The following RAB11FIP5 variants were observed in gnomAD, a reference collection of about 807,000 sequenced individuals.
RAB11FIP5 encodes the protein RAB11 family interacting protein 5, also known as rab11 family-interacting protein 5.
RAB11FIP5 carries 48 observed loss-of-function variants against 85.1 expected under a neutral mutation model. That is an observed-to-expected ratio of 0.56 (90% CI 0.45 to 0.72). RAB11FIP5 has a LOEUF of 0.72. Ranked by LOEUF, RAB11FIP5 falls within the 30% of genes least tolerant of loss-of-function variation. RAB11FIP5 has a pLI of 0.00. For missense variants in RAB11FIP5, 1,491 were observed against 1,687.0 expected (o/e 0.88, Z 2.04); for synonymous variants, 729 against 727.3 (o/e 1.00, Z -0.04).
In RAB11FIP5 at chr2:73,080,135, C is replaced by T; in HGVS notation, c.3097G>A (p.Ala1033Thr). 8.1e-7 allele frequency: 1 copy of T among 1,232,210 alleles called. No individual in the cohort carries two copies. Among genetic ancestry groups the T allele is most frequent in the Non-Finnish European group, 1.0e-6 (1 of 988,032 alleles). The allele number at this position is 1,232,210 out of a possible 1,614,324, so 76.3% of individuals were successfully genotyped here. Residue 1033 changes from alanine to threonine, a missense_variant, in exon 4 of 6, where the codon GCC becomes ACC. Physicochemically the swap from Ala to Thr is moderately conservative, Grantham distance 58 (BLOSUM62 0). This residue lies in a region of RAB11FIP5 where 1,211 missense variants were observed against 1,338.0 expected (regional missense o/e 0.91). Coordinates refer to ENST00000486777, the MANE Select transcript of RAB11FIP5 (RefSeq NM_001371272.1). ...EVGEGPEAPEAQGQDPVGEGL... is the reference protein window; with the variant it reads ...EVGEGPEAPETQGQDPVGEGL... Reference sequence around the variant, plus strand: ...TCTCCTACTGGATCCTGGCCCTGGGCCTCAGGAGCCTCAGGGCCTTCTCCA... The same window carrying T: ...TCTCCTACTGGATCCTGGCCCTGGGTCTCAGGAGCCTCAGGGCCTTCTCCA...
chr2:73,112,893 C>T lies in RAB11FIP5; in HGVS notation c.-116G>A, dbSNP rs184225433. 7.2e-3 allele frequency: 7,473 copies of T among 1,033,648 alleles called. 389 individuals carry two copies. The African/African-American group carries it at 0.11, about 15-fold the overall frequency. 64.0% of individuals were successfully genotyped at this position (1,033,648 alleles called of 1,614,324 possible). A position where few individuals can be genotyped will look rare whatever the true frequency, so the allele number is the denominator to read the frequency against. ...CCAACTCTGAGCGCCGCCGCAGCTG[C>T]GGGCTGGGCTGGGCCGGGCCGACCG... On this transcript the variant is annotated 5_prime_UTR_variant, in exon 1 of 6. Transcript: ENST00000486777.
chr2:73,110,711 G>A (rs1378532336), intron 1 of RAB11FIP5, among the ~76,000 whole-genome samples: 2 of 152,188 alleles, frequency 1.3e-5, no homozygotes, highest in Non-Finnish European at 2.9e-5. Flanking sequence ...AGGCCAAGAG[G>A]AAAGCAAGGG....
At chr2:73,112,022 G>A (rs960706106) in intron 1 of RAB11FIP5, among the ~76,000 whole-genome samples, 2 of 152,140 alleles carry the variant, frequency 1.3e-5, no homozygotes, top group Admixed American at 6.5e-5. Context: ...ACGGCCCCAA[G>A]ATTTCCCTTC....
chr2:73,081,729 C>A lies in RAB11FIP5; in HGVS notation c.1569-66G>T. ...CAAGACTGGAAAGGCCCCTGAGTCCCACGCCCCACCCCCTGCTTCGGGACC... is the reference window on the plus strand; with the variant it reads ...CAAGACTGGAAAGGCCCCTGAGTCCAACGCCCCACCCCCTGCTTCGGGACC... On this transcript the variant is annotated intron_variant, in intron 3 of 5. Coordinates refer to ENST00000486777, the MANE Select transcript of RAB11FIP5 (RefSeq NM_001371272.1). This position sits in a 1 kb window ranked among gnomAD's most constrained non-coding sequence, Gnocchi z 4.2. The A allele has an allele frequency of 8.3e-7, 1 of 1,204,686 alleles. No homozygotes were observed. Among genetic ancestry groups the A allele is most frequent in the Non-Finnish European group, 1.0e-6 (1 of 963,116 alleles). The allele number at this position is 1,204,686 out of a possible 1,614,324, so 74.6% of individuals were successfully genotyped here.
At position 73,088,749 on chromosome 2, in the gene RAB11FIP5, C is replaced by T. The variant is rs1684145909; in HGVS notation, c.869G>A (p.Gly290Asp). Residue 290 changes from glycine (G) to aspartate (D), a missense_variant and splice_region_variant, in exon 3 of 6, where the codon GGC (glycine) becomes GAC (aspartate). Gly to Asp is a moderately conservative substitution (Grantham distance 94). Around this residue, in one of 3 missense-constraint regions of RAB11FIP5, gnomAD observed 1,211 missense variants for 1,338.0 expected, o/e 0.91. Coordinates refer to ENST00000486777, the MANE Select transcript of RAB11FIP5 (RefSeq NM_001371272.1). ...SRSSWLSTEGGRDSAQSPKLF... is the reference protein window; with the variant it reads ...SRSSWLSTEGDRDSAQSPKLF... ...CTTGGGGGACTGTGCAGAGTCCCTG[C>T]CTGCAGGGGAAACACACAGAGTTAG... 2.5e-6 allele frequency: 4 copies of T among 1,580,400 alleles called. No individual in the cohort carries two copies. The highest frequency in any genetic ancestry group is 3.4e-6 in the Non-Finnish European group (4 of 1,165,124).
chr2:73,104,701 A>G (rs1438146449), intron 1 of RAB11FIP5, among the ~76,000 whole-genome samples: 2 of 152,250 alleles, frequency 1.3e-5, no homozygotes, highest in African/African-American at 4.8e-5. Flanking sequence ...CCACACTCAC[A>G]GTTTCCCTGC....
At chr2:73,079,608 C>T (rs1683927986) in intron 4 of RAB11FIP5, 43 bp downstream of exon 4, 3 of 1,232,480 alleles carry the variant, frequency 2.4e-6, no homozygotes, top group South Asian at 8.2e-5. Context: ...GCCCCCTGTC[C>T]ACCCCCTTCC....
intron 1 of RAB11FIP5, among the ~76,000 whole-genome samples, chr2:73,092,042 T>C (rs988014286): frequency 2.0e-5 from 3 of 152,272 alleles, no homozygotes; most frequent in East Asian, 1.9e-4. Flanking sequence ...GAGAGGAAGT[T>C]TGACAGAAAG....
chr2:73,089,833 G>A lies in RAB11FIP5; in HGVS notation c.432-518C>T, dbSNP rs1170993836. Among the ~76,000 whole-genome samples, 1 of 151,088 alleles carries A rather than the reference G, an allele frequency of 6.6e-6. No individual in the cohort carries two copies. The highest frequency in any genetic ancestry group is 1.5e-5 in the Non-Finnish European group (1 of 67,782). ...CCAGGAAAGAACAGCTCACCCAGAG[G>A]CCCAGGGCCAGGAACACAGGAATGC... On this transcript the variant is annotated intron_variant, in intron 1 of 5. Coordinates refer to ENST00000486777, the MANE Select transcript of RAB11FIP5 (RefSeq NM_001371272.1). This position sits in a 1 kb window ranked among gnomAD's most constrained non-coding sequence, Gnocchi z 4.6.
In RAB11FIP5 at chr2:73,112,491, G is replaced by C; in HGVS notation, c.287C>G (p.Ala96Gly). Residue 96 changes from alanine (A) to glycine (G), a missense_variant, in exon 1 of 6, where the codon GCG (alanine) becomes GGG (glycine). By Grantham distance (60) the Ala-to-Gly change is moderately conservative. Coordinates refer to ENST00000486777, the MANE Select transcript of RAB11FIP5 (RefSeq NM_001371272.1). ...LRAQEADAGP[A>G]PWAASSAAAC... ...GGCGGCGGAGCTCGCGGCCCAGGGC[G>C]CCGGGCCCGCGTCGGCCTCCTGCGC... 1.3e-6 allele frequency: 2 copies of C among 1,486,926 alleles called. No homozygotes were observed. The highest frequency in any genetic ancestry group is 5.5e-5 in the East Asian group (2 of 36,326). The allele number at this position is 1,486,926 out of a possible 1,614,324, so 92.1% of individuals were successfully genotyped here.
rs111898887 is a variant in RAB11FIP5, at chr2:73,086,338, T to C, written c.1568+1712A>G. Among the ~76,000 whole-genome samples the C allele has an allele frequency of 9.3e-3, 1,414 of 152,274 alleles. 8 individuals carry two copies. Among genetic ancestry groups the C allele is most frequent in the Non-Finnish European group, 0.012 (821 of 68,014 alleles). The stretch of plus-strand genomic sequence containing the variant: ...AGAAACCTCAGCTTCCTTATGGCCA[T>C]CAGTGACCCAAATCCTCCAGATTCC... On this transcript the variant is annotated intron_variant, in intron 3 of 5. Transcript: ENST00000486777. This position sits in a 1 kb window ranked among gnomAD's most constrained non-coding sequence, Gnocchi z 4.4.
rs1208233511 is a variant in RAB11FIP5 at position 73,088,122 on chromosome 2, G to A, written c.1496C>T (p.Ser499Phe). 1.2e-6 allele frequency: 2 copies of A among 1,613,888 alleles called. No individual in the cohort carries two copies. Among genetic ancestry groups the A allele is most frequent in the African/African-American group, 1.3e-5 (1 of 74,918 alleles). The change falls in exon 3 of 6, where the codon TCC (serine) becomes TTC (phenylalanine). Residue 499 changes from serine to phenylalanine, a missense_variant. By Grantham distance (155) the Ser-to-Phe change is radical (BLOSUM62 -2). Transcript: ENST00000486777. ...ACTCTTGGCCTTTTCCTCCCCACTG[G>A]ATGAGTGATGTGGGGAGGCCCCCAG... ...PILGASPHHSSSGEEKAKSSW... is the reference protein window; with the variant it reads ...PILGASPHHSFSGEEKAKSSW...
Position 73,075,614 on chromosome 2 carries a change from C to A in RAB11FIP5, c.3882G>T (p.Val1294=), listed in dbSNP as rs1354291213. The A allele has an allele frequency of 1.2e-6, 2 of 1,614,032 alleles. No individual in the cohort carries two copies. Among genetic ancestry groups the A allele is most frequent in the East Asian group, 4.5e-5 (2 of 44,888 alleles). The part of the protein sequence containing the change: ...ERELSQRDEH[V]QELESYIDRL... ...GGTCGATGTAGCTCTCCAGCTCCTG[C>A]ACATGCTCGTCCCGCTGGCTCAGCT... Residue 1294 remains valine, a synonymous_variant, in exon 6 of 6, where the codon GTG becomes GTT. Coordinates refer to ENST00000486777, the MANE Select transcript of RAB11FIP5 (RefSeq NM_001371272.1). This position sits in a 1 kb window ranked among gnomAD's most constrained non-coding sequence, Gnocchi z 4.6.
At position 73,103,208 on chromosome 2, in the gene RAB11FIP5, G is replaced by A. The variant is rs1478219293; in HGVS notation, c.431+9139C>T. Among the ~76,000 whole-genome samples the A allele has an allele frequency of 3.3e-5, 5 of 152,172 alleles. No individual in the cohort carries two copies. In the East Asian group the frequency reaches 9.6e-4, roughly 29 times the overall value. ...ACAGCCTCTTATCAGGCCAGAAGAT[G>A]ATTCTTATCACCTCCTCTGGCACCA... On this transcript the variant is annotated intron_variant, in intron 1 of 5. Coordinates refer to ENST00000486777, the MANE Select transcript of RAB11FIP5 (RefSeq NM_001371272.1).
chr2:73,079,721 TG>T lies in RAB11FIP5; in HGVS notation c.3510del (p.Thr1171ProfsTer28), dbSNP rs1683931423. 8.1e-7 allele frequency: 1 copy of T among 1,232,658 alleles called. No individual in the cohort carries two copies. Among genetic ancestry groups the T allele is most frequent in the Non-Finnish European group, 1.0e-6 (1 of 988,668 alleles). 76.4% of individuals were successfully genotyped at this position (1,232,658 alleles called of 1,614,324 possible). ...PALLREDLAA[A>X]TPASPLVLLP... ...AGAAGCACAAGCGGGGAGGCTGGGG[TG>T]GCTGCAGCGAGGTCCTCCCTAAGTA... On this transcript the variant is annotated frameshift_variant, in exon 4 of 6. Transcript: ENST00000486777. LOFTEE classifies it high-confidence loss of function.
intron 1 of RAB11FIP5, among the ~76,000 whole-genome samples, chr2:73,110,680 G>A (rs1684638840): frequency 6.6e-6 from 1 of 152,206 alleles, no homozygotes; most frequent in Non-Finnish European, 1.5e-5. Flanking sequence ...AGCTTGGCCA[G>A]CTCAGCTAAG....
intron 1 of RAB11FIP5, among the ~76,000 whole-genome samples, chr2:73,102,669 C>T (rs1034089195): frequency 1.3e-5 from 2 of 152,162 alleles, no homozygotes; most frequent in African/African-American, 2.4e-5. Flanking sequence ...TATCCCTCAC[C>T]ACCTGAGAAG....
At chr2:73,100,304 T>C (rs1246574797) in intron 1 of RAB11FIP5, among the ~76,000 whole-genome samples, 1 of 152,186 alleles carries the variant, frequency 6.6e-6, no homozygotes, top group Non-Finnish European at 1.5e-5. Flanking sequence ...GATGAAATCA[T>C]GTGCCCACAA....
chr2:73,084,214 C>T (rs370225723), intron 3 of RAB11FIP5: 2 of 152,408 alleles, frequency 1.3e-5, no homozygotes, highest in South Asian at 2.1e-4. Context: ...CTTCTGAGGG[C>T]ATCTGTCCAT....
Sources: allele counts gnomAD v4.1 joint callset (sites outside exome capture counted in the v4.1 genomes callset), GRCh38; gene constraint gnomAD v4.1.1; regional missense constraint gnomAD v4.1.1; non-coding constraint Gnocchi (gnomAD v3.1); transcripts MANE v1.5; gene names NCBI Gene and HGNC (gene_info 2026-07-23, HGNC 2026-07-21).